The following KCTD8 variants were observed in gnomAD, a reference collection of about 807,000 sequenced individuals.
The protein encoded by KCTD8 is potassium channel tetramerization domain containing 8, also known as BTB/POZ domain-containing protein KCTD8.
A neutral mutation model predicts 31.5 loss-of-function variants in KCTD8; 27 were observed. The observed-to-expected ratio is 0.86, with a 90% CI of 0.63 to 1.18. The LOEUF (loss-of-function observed/expected upper bound fraction) is 1.18. KCTD8 is among the 50% of genes most tolerant of loss of function. The probability of loss-of-function intolerance (pLI) is 0.00; values close to 1 mark genes in which losing one functional copy is unlikely to be tolerated. For synonymous variants in KCTD8, 290 were observed against 280.0 expected (o/e 1.04, Z -0.36); for missense variants, 658 against 647.7 (o/e 1.02, Z -0.17).
At chr4:44,182,275 C>G (rs574273244) in intron 1 of KCTD8, among the ~76,000 whole-genome samples, 1 of 152,384 alleles carries the variant, frequency 6.6e-6, no homozygotes, top group East Asian at 1.9e-4. Flanking sequence ...GGCCACCACC[C>G]CATCTGGGCA....
At chr4:44,251,298 T>A (rs1715824046) in intron 1 of KCTD8, among the ~76,000 whole-genome samples, 1 of 151,726 alleles carries the variant, frequency 6.6e-6, no homozygotes, top group African/African-American at 2.4e-5. Flanking sequence ...AGGACTTGTC[T>A]ATTTTTGTCC....
chr4:44,191,103 C>T (rs1440349652), intron 1 of KCTD8, among the ~76,000 whole-genome samples: 1 of 152,146 alleles, frequency 6.6e-6, no homozygotes, highest in East Asian at 1.9e-4. Context: ...ATATCAGTTC[C>T]TAAAATTAAT....
chr4:44,251,268 T>A (rs1160283554), intron 1 of KCTD8, among the ~76,000 whole-genome samples: 2 of 151,736 alleles, frequency 1.3e-5, no homozygotes, highest in Non-Finnish European at 3.0e-5. Context: ...GTGAATTTTC[T>A]CTTATATTCA....
At chr4:44,229,904 T>A (rs1715073045) in intron 1 of KCTD8, among the ~76,000 whole-genome samples, 1 of 152,102 alleles carries the variant, frequency 6.6e-6, no homozygotes, top group African/African-American at 2.4e-5. Context: ...GGTATACACG[T>A]GCCATGGTGG....
chr4:44,282,326 AT>A lies in KCTD8; in HGVS notation c.962-107077del, dbSNP rs554961020. On this transcript the variant is annotated intron_variant, in intron 1 of 1. Coordinates refer to ENST00000360029, the MANE Select transcript of KCTD8 (RefSeq NM_198353.3). ...TTGCTCAGTGACCTTTGATGTTACT[AT>A]TGTAATTGTTTTTGAGGCATCACCA... 8.5e-5 allele frequency among the ~76,000 whole-genome samples: 13 copies of A among 152,172 alleles called. No individual in the cohort carries two copies. The South Asian group carries it at 2.7e-3, about 32-fold the overall frequency.
chr4:44,336,457 C>T (rs1194911026), intron 1 of KCTD8, among the ~76,000 whole-genome samples: 1 of 151,642 alleles, frequency 6.6e-6, no homozygotes, highest in Non-Finnish European at 1.5e-5. Context: ...GTAAGGAAGC[C>T]TATCATACTC....
chr4:44,324,057 AC>A (rs763375888), intron 1 of KCTD8, among the ~76,000 whole-genome samples: 1,441 of 132,950 alleles, frequency 0.011, 9 homozygotes, highest in African/African-American at 0.023. Context: ...AAAAAAAAAA[AC>A]AAAACAAAAC....
intron 1 of KCTD8, among the ~76,000 whole-genome samples, chr4:44,282,878 T>A (rs1716938478): frequency 6.6e-6 from 1 of 151,540 alleles, no homozygotes; most frequent in Non-Finnish European, 1.5e-5. Context: ...GCTAGCAGAG[T>A]TTGGTGCATG....
chr4:44,269,371 C>T (rs1716501047), intron 1 of KCTD8, among the ~76,000 whole-genome samples: 3 of 151,590 alleles, frequency 2.0e-5, no homozygotes, highest in African/African-American at 7.3e-5. Flanking sequence ...CTTCCTTATA[C>T]CTTATACAAA....
intron 1 of KCTD8, among the ~76,000 whole-genome samples, chr4:44,195,080 G>A (rs1325113412): frequency 6.6e-6 from 1 of 151,416 alleles, no homozygotes; most frequent in African/African-American, 2.4e-5. Context: ...GTTTCACCAT[G>A]TTGGTCAGGC....
intron 1 of KCTD8, among the ~76,000 whole-genome samples, chr4:44,229,725 C>G (rs1715063873): frequency 6.6e-6 from 1 of 151,806 alleles, no homozygotes; most frequent in African/African-American, 2.4e-5. Context: ...GAAGGTATGT[C>G]CCTTTTAAAT....
intron 1 of KCTD8, among the ~76,000 whole-genome samples, chr4:44,241,568 T>C (rs1260320331): frequency 1.3e-5 from 2 of 152,260 alleles, no homozygotes; most frequent in Admixed American, 1.3e-4. Context: ...CCAAAACTAA[T>C]TCAACAGTAC....
intron 1 of KCTD8, among the ~76,000 whole-genome samples, chr4:44,298,794 C>A (rs2109390539): frequency 6.6e-6 from 1 of 152,274 alleles, no homozygotes; most frequent in South Asian, 2.1e-4. Flanking sequence ...ATAACCCACA[C>A]TGGATCCAAA....
At chr4:44,404,055 G>A (rs917413092) in intron 1 of KCTD8, among the ~76,000 whole-genome samples, 35 of 151,944 alleles carry the variant, frequency 2.3e-4, no homozygotes, top group African/African-American at 7.5e-4. Context: ...CTACAAAACC[G>A]AGACCCAACC....
rs750556150 is a variant in KCTD8, at chr4:44,281,851, G to A, written c.962-106601C>T. Among the ~76,000 whole-genome samples, 111 of 152,004 alleles carry A rather than the reference G, an allele frequency of 7.3e-4. 1 individual carries two copies. The highest frequency in any genetic ancestry group is 2.2e-4 in the Non-Finnish European group (15 of 67,974). On this transcript the variant is annotated intron_variant, in intron 1 of 1. Coordinates refer to ENST00000360029, the MANE Select transcript of KCTD8 (RefSeq NM_198353.3). ...AGAGGCCCTCAGCTTTTTGAGGCTT[G>A]TATTCCCTATCCATGTAATGAAGAG...
chr4:44,320,587 T>C (rs1246213143), intron 1 of KCTD8, among the ~76,000 whole-genome samples: 1 of 152,126 alleles, frequency 6.6e-6, no homozygotes, highest in Admixed American at 6.5e-5. Context: ...GTAATAGACC[T>C]CACCAAATAA....
chr4:44,307,924 T>A (rs1252353754), intron 1 of KCTD8, among the ~76,000 whole-genome samples: 1 of 151,986 alleles, frequency 6.6e-6, no homozygotes, highest in Non-Finnish European at 1.5e-5. Context: ...GAGACCTAGA[T>A]ACAAGACAGA....
At chr4:44,288,910 C>A (rs1293985931) in intron 1 of KCTD8, among the ~76,000 whole-genome samples, 1 of 140,350 alleles carries the variant, frequency 7.1e-6, no homozygotes, top group Non-Finnish European at 1.5e-5. Context: ...CTTATTTGAA[C>A]TTTTCTAATC....
chr4:44,195,038 T>A (rs1479524084), intron 1 of KCTD8, among the ~76,000 whole-genome samples: 2 of 151,304 alleles, frequency 1.3e-5, no homozygotes, highest in Non-Finnish European at 2.9e-5. Context: ...GTATTTCTAA[T>A]TTTTGTATTT....
Sources: gnomAD v4.1 joint callset for allele counts (sites outside exome capture counted in the v4.1 genomes callset) on GRCh38, gnomAD v4.1.1 for gene constraint, MANE v1.5 for transcripts, NCBI Gene and HGNC (gene_info 2026-07-23, HGNC 2026-07-21) for gene names.